The following WWC2 variants were observed in gnomAD, a reference collection of about 807,000 sequenced individuals.
WWC2 encodes protein WWC2.
A neutral mutation model predicts 138.5 loss-of-function variants in WWC2; 101 were observed. The ratio of observed to expected loss-of-function variants is 0.73; its 90% CI spans 0.62 to 0.86. The LOEUF (loss-of-function observed/expected upper bound fraction) is 0.86, where lower values mean the gene tolerates loss of function less well. Among genes scored for constraint, WWC2 ranks in the 40% least tolerant of loss-of-function variants. The pLI is 0.00. For synonymous variants in WWC2, 558 were observed against 538.4 expected, an observed-to-expected ratio of 1.04 and a Z score of -0.50; for missense variants, 1,420 against 1,419.4, an observed-to-expected ratio of 1.00 and a Z score of -0.01.
chr4:183,306,480 C>G (rs1400299048), intron 21 of WWC2, among the ~76,000 whole-genome samples: 5 of 151,718 alleles, frequency 3.3e-5, no homozygotes, highest in Admixed American at 2.6e-4. Context: ...TCAGATGGAG[C>G]AGACTTCAGA....
At chr4:183,275,173 C>A (rs1266112582) in intron 16 of WWC2, among the ~76,000 whole-genome samples, 1 of 152,024 alleles carries the variant, frequency 6.6e-6, no homozygotes, top group Non-Finnish European at 1.5e-5. Context: ...TATCCTGCAA[C>A]CTTACTGAAC....
Position 183,261,393 on chromosome 4 carries a change from G to A in WWC2, c.1770G>A (p.Leu590=). ...QFTADFEDCE[L]SSHFADISLI... ...CTGCTGACTTTGAAGACTGTGAGTT[G>A]AGTAGCCATTTTGCAGATATCAGCC... The change falls in exon 11 of 23, where the codon TTG becomes TTA. Residue 590 remains leucine, a synonymous_variant. Transcript: ENST00000403733. 1 of 1,613,084 alleles carries A rather than the reference G, an allele frequency of 6.2e-7. No homozygotes were observed. Among genetic ancestry groups the A allele is most frequent in the African/African-American group, 1.3e-5 (1 of 75,058 alleles).
chr4:183,189,302 T>A (rs1012973073), intron 1 of WWC2, among the ~76,000 whole-genome samples: 2 of 151,886 alleles, frequency 1.3e-5, no homozygotes, highest in African/African-American at 4.8e-5. Flanking sequence ...CCAGGCGTGG[T>A]GGCGGGCGCC....
rs770609371 is a variant in WWC2, at chr4:183,155,189, G to GGA, written c.132-38376_132-38375dup. ...AAGTTCTAATGACTTCATCTTCTGA[G>GGA]GAGAGAGAGAGAGAGAGAGAGAGAG... On this transcript the variant is annotated intron_variant, in intron 1 of 22. Transcript: ENST00000403733. Among the ~76,000 whole-genome samples the GGA allele has an allele frequency of 2.7e-3, 285 of 103,668 alleles. 3 individuals are homozygous for GGA. The highest frequency in any genetic ancestry group is 6.9e-3 in the African/African-American group (201 of 29,180). 68.0% of individuals were successfully genotyped at this position (103,668 alleles called of 152,430 possible).
chr4:183,125,767 A>G (rs1437064086), intron 1 of WWC2, among the ~76,000 whole-genome samples: 1 of 152,216 alleles, frequency 6.6e-6, no homozygotes, highest in African/African-American at 2.4e-5. Context: ...TCGGTGTTCC[A>G]GAAGAATTCA....
intron 19 of WWC2, 36 bp from the exon 20 acceptor site, chr4:183,285,931 A>G (rs1280336370): frequency 1.3e-6 from 2 of 1,536,354 alleles, no homozygotes; most frequent in South Asian, 1.2e-5. Flanking sequence ...TCTGTTTGAT[A>G]TGCAGTGATT....
At chr4:183,312,239 C>A in intron 21 of WWC2, 102 bp from the exon 22 acceptor site, 2 of 1,517,362 alleles carry the variant, frequency 1.3e-6, no homozygotes, top group Non-Finnish European at 1.8e-6. Context: ...CCTTGCTTGC[C>A]CTCCTGACTT....
At position 183,208,172 on chromosome 4, in the gene WWC2, C is replaced by T; in HGVS notation, c.445+16C>T. On this transcript the variant is annotated intron_variant, in intron 3 of 22. Coordinates refer to ENST00000403733, the MANE Select transcript of WWC2 (RefSeq NM_024949.6). ...CACACAAGCTGTAAGTACAGTGTGG[C>T]TATTCAGACTTTGGAAGTGGAGACT... 1 of 1,611,724 alleles carries T rather than the reference C, an allele frequency of 6.2e-7. No individual in the cohort carries two copies. Among genetic ancestry groups the T allele is most frequent in the Non-Finnish European group, 8.5e-7 (1 of 1,178,604 alleles).
At chr4:183,218,680 G>A (rs558515773) in intron 4 of WWC2, among the ~76,000 whole-genome samples, 88 of 152,322 alleles carry the variant, frequency 5.8e-4, no homozygotes, top group African/African-American at 2.0e-3. Flanking sequence ...AGCTGATGGT[G>A]CAGATGAAGT....
chr4:183,307,234 A>G (rs1209784312), intron 21 of WWC2, among the ~76,000 whole-genome samples: 1 of 152,254 alleles, frequency 6.6e-6, no homozygotes, highest in Non-Finnish European at 1.5e-5. Flanking sequence ...TCTAAATAAC[A>G]GATGGGTCAA....
At chr4:183,152,598 G>A (rs1189150166) in intron 1 of WWC2, among the ~76,000 whole-genome samples, 2 of 151,602 alleles carry the variant, frequency 1.3e-5, no homozygotes, top group African/African-American at 4.8e-5. Context: ...GAGAGTTGGG[G>A]TCTTGACCGG....
At chr4:183,189,897 T>C (rs1354692545) in intron 1 of WWC2, among the ~76,000 whole-genome samples, 1 of 152,232 alleles carries the variant, frequency 6.6e-6, no homozygotes, top group Non-Finnish European at 1.5e-5. Flanking sequence ...AATACATCAC[T>C]GTGTGGCATC....
intron 2 of WWC2, among the ~76,000 whole-genome samples, chr4:183,204,378 C>G (rs1374563608): frequency 1.3e-5 from 2 of 152,142 alleles, no homozygotes; most frequent in African/African-American, 4.8e-5. Flanking sequence ...ATATTTCAGC[C>G]TCTTTTTACA....
chr4:183,160,256 CTTCT>C (rs1286350686), intron 1 of WWC2, among the ~76,000 whole-genome samples: 4 of 152,168 alleles, frequency 2.6e-5, no homozygotes, highest in African/African-American at 9.7e-5. Flanking sequence ...AGTTGTATTG[CTTCT>C]TTATGTCACC....
intron 1 of WWC2, among the ~76,000 whole-genome samples, chr4:183,169,182 C>T (rs1414497604): frequency 6.6e-6 from 1 of 152,216 alleles, no homozygotes; most frequent in Non-Finnish European, 1.5e-5. Flanking sequence ...AAAAAACATT[C>T]AGAAGTTGTA....
At chr4:183,126,000 A>G (rs1732745109) in intron 1 of WWC2, among the ~76,000 whole-genome samples, 1 of 152,252 alleles carries the variant, frequency 6.6e-6, no homozygotes, top group Non-Finnish European at 1.5e-5. Flanking sequence ...TTGCTCTGCC[A>G]TGCATGTAGA....
At chr4:183,215,258 C>G (rs941134758) in intron 4 of WWC2, among the ~76,000 whole-genome samples, 15 of 152,220 alleles carry the variant, frequency 9.9e-5, no homozygotes, top group African/African-American at 3.6e-4. Context: ...CTCTCTCTCT[C>G]AAAATATCTT....
At chr4:183,274,683 A>G (rs1371694337) in intron 16 of WWC2, among the ~76,000 whole-genome samples, 1 of 152,178 alleles carries the variant, frequency 6.6e-6, no homozygotes, top group Non-Finnish European at 1.5e-5. Context: ...AACAACATGA[A>G]AAAGATCTAT....
At chr4:183,127,946 G>T (rs1732808570) in intron 1 of WWC2, among the ~76,000 whole-genome samples, 1 of 150,530 alleles carries the variant, frequency 6.6e-6, no homozygotes, top group Admixed American at 6.7e-5. Flanking sequence ...ATCTAATAAA[G>T]AAATGTACAT....
Sources: gnomAD v4.1 joint callset for allele counts (sites outside exome capture counted in the v4.1 genomes callset) on GRCh38, gnomAD v4.1.1 for gene constraint, MANE v1.5 for transcripts, NCBI Gene and HGNC (gene_info 2026-07-23, HGNC 2026-07-21) for gene names.